Variants in FNBP4 observed in about 807,000 individuals in gnomAD.
FNBP4 encodes formin binding protein 4.
Under a neutral mutation model 119.3 loss-of-function variants are expected in FNBP4, and 34 were observed. The observed-to-expected ratio is 0.28, with a 90% CI of 0.22 to 0.38. FNBP4 has a LOEUF of 0.38. FNBP4 is among the 10% of genes least tolerant of loss of function. The pLI is 1.00. For synonymous variants in FNBP4, 462 were observed against 430.6 expected (o/e 1.07, Z -0.90); for missense variants, 1,112 against 1,228.9 (o/e 0.90, Z 1.42).
intron 2 of FNBP4, among the ~76,000 whole-genome samples, chr11:47,764,673 CAAG>C (rs2097643008): frequency 6.6e-6 from 1 of 152,074 alleles, no homozygotes; most frequent in Non-Finnish European, 1.5e-5. Flanking sequence ...TTTACTCTTC[CAAG>C]ATACACAGAG....
At chr11:47,733,334 GTTC>G (rs1471562612) in intron 10 of FNBP4, among the ~76,000 whole-genome samples, 3 of 151,676 alleles carry the variant, frequency 2.0e-5, no homozygotes, top group Non-Finnish European at 4.4e-5. Flanking sequence ...TAAGGATTCA[GTTC>G]TTTTTTTTTT....
At chr11:47,766,072 C>G (rs1388780460) in intron 1 of FNBP4, among the ~76,000 whole-genome samples, 1 of 151,982 alleles carries the variant, frequency 6.6e-6, no homozygotes, top group Non-Finnish European at 1.5e-5. Flanking sequence ...CATGGCCGGG[C>G]GCGATGGCTC....
intron 15 of FNBP4, 52 bp from the exon 16 acceptor site, chr11:47,720,138 A>G (rs1220501673): frequency 1.3e-6 from 2 of 1,539,774 alleles, no homozygotes; most frequent in South Asian, 2.4e-5. Context: ...AATAAGGATA[A>G]GCGTCCTCTA....
Position 47,724,014 on chromosome 11 carries a change from C to G in FNBP4, c.2464+14G>C, listed in dbSNP as rs755052992. On this transcript the variant is annotated intron_variant, in intron 14 of 16. Coordinates refer to ENST00000263773, the MANE Select transcript of FNBP4 (RefSeq NM_015308.5). ...CAATACATTGAGGAAAAACCACGCT[C>G]TATGCACAATTACCTGTAGCTATAG... 1.2e-6 allele frequency: 2 copies of G among 1,611,010 alleles called. No homozygotes were observed. The highest frequency in any genetic ancestry group is 2.2e-5 in the South Asian group (2 of 90,438).
chr11:47,752,065 A>T (rs757537407), intron 4 of FNBP4, among the ~76,000 whole-genome samples: 39 of 152,158 alleles, frequency 2.6e-4, no homozygotes, highest in African/African-American at 8.9e-4. Context: ...TTTAAAAGAT[A>T]AAAATTACAT....
chr11:47,724,281 G>A, intron 13 of FNBP4, 109 bp from the exon 14 acceptor site: 1 of 1,522,480 alleles, frequency 6.6e-7, no homozygotes, highest in East Asian at 2.3e-5. Flanking sequence ...AAGCTGCAGT[G>A]GTGAGATCAT....
At chr11:47,749,664 C>G (rs1370629381) in intron 6 of FNBP4, among the ~76,000 whole-genome samples, 2 of 152,148 alleles carry the variant, frequency 1.3e-5, no homozygotes, top group African/African-American at 4.8e-5. Flanking sequence ...ACTTACTTTT[C>G]TTACTAATTA....
chr11:47,750,205 C>T lies in FNBP4; in HGVS notation c.906+711G>A, dbSNP rs528083347. Among the ~76,000 whole-genome samples, 7 of 151,566 alleles carry T rather than the reference C, an allele frequency of 4.6e-5. No individual in the cohort carries two copies. The South Asian group carries it at 1.5e-3, about 32-fold the overall frequency. The stretch of plus-strand genomic sequence containing the variant: ...ACCAGCCTGACCAACATGGTGAAAC[C>T]CTGCCTCTAATAAAAATACAAAAAT... On this transcript the variant is annotated intron_variant, in intron 6 of 16. Coordinates refer to ENST00000263773, the MANE Select transcript of FNBP4 (RefSeq NM_015308.5).
intron 15 of FNBP4, among the ~76,000 whole-genome samples, chr11:47,721,476 G>A (rs2135065353): frequency 6.6e-6 from 1 of 151,898 alleles, no homozygotes; most frequent in Admixed American, 6.6e-5. Context: ...TGGTGCACAT[G>A]CCTGTCGCCC....
At chr11:47,746,545 C>T (rs1425295569) in intron 6 of FNBP4, 151 bp from the exon 7 acceptor site, 13 of 672,336 alleles carry the variant, frequency 1.9e-5, no homozygotes, top group Middle Eastern at 4.2e-4. Context: ...GATGGAGTCT[C>T]GCACTGTCAC....
chr11:47,751,091 G>C, intron 5 of FNBP4, 52 bp downstream of exon 5: 1 of 1,612,878 alleles, frequency 6.2e-7, no homozygotes, highest in South Asian at 1.1e-5. Context: ...ATCAGCAAAA[G>C]ATAAGGCTTC....
At chr11:47,743,828 C>A in intron 8 of FNBP4, 125 bp downstream of exon 8, 1 of 840,952 alleles carries the variant, frequency 1.2e-6, no homozygotes, top group Non-Finnish European at 1.8e-6. Context: ...GCTTCCTTCC[C>A]AGCACTTCTC....
Position 47,753,065 on chromosome 11 carries a change from G to C in FNBP4, c.488C>G (p.Pro163Arg), listed in dbSNP as rs999643445. 5.0e-6 allele frequency: 8 copies of C among 1,613,936 alleles called. No homozygotes were observed. Among genetic ancestry groups the C allele is most frequent in the Non-Finnish European group, 5.9e-6 (7 of 1,179,948 alleles). Reference sequence around the variant, plus strand: ...TGGAGGTGGAGCAGAAGCTCCTACAGGAGCTGCAGGCTGAGGAGCTGTTAT... The same window carrying C: ...TGGAGGTGGAGCAGAAGCTCCTACACGAGCTGCAGGCTGAGGAGCTGTTAT... Reference protein sequence around the residue: ...DAITAPQPAAPVGASAPPPTP... With the variant: ...DAITAPQPAARVGASAPPPTP... Residue 163 changes from proline (P) to arginine (R), a missense_variant, in exon 4 of 17, where the codon CCT (proline) becomes CGT (arginine). Pro to Arg is a moderately radical substitution (Grantham distance 103, BLOSUM62 -2). Coordinates refer to ENST00000263773, the MANE Select transcript of FNBP4 (RefSeq NM_015308.5).
chr11:47,765,374 A>AAAAAAGAAAAGAAGAAAAG lies in FNBP4; in HGVS notation c.221-13_221-12insCTTTTCTTCTTTTCTTTTT, dbSNP rs1554991224. ...CGCTTCCTGTTCATCTGGATTAAAA[A>AAAAAAGAAAAGAAGAAAAG]AAAAGAAAAGAAAAGAAAAGAAAAG... On this transcript the variant is annotated splice_polypyrimidine_tract_variant and intron_variant, in intron 1 of 16. Transcript: ENST00000263773. 9.8e-7 allele frequency: 1 copy of AAAAAAGAAAAGAAGAAAAG among 1,025,226 alleles called. No homozygotes were observed. Among genetic ancestry groups the AAAAAAGAAAAGAAGAAAAG allele is most frequent in the African/African-American group, 1.8e-5 (1 of 54,800 alleles). The allele number at this position is 1,025,226 out of a possible 1,614,324, so 63.5% of individuals were successfully genotyped here.
At chr11:47,762,707 G>C (rs1295255411) in intron 2 of FNBP4, among the ~76,000 whole-genome samples, 3 of 151,836 alleles carry the variant, frequency 2.0e-5, no homozygotes, top group Admixed American at 6.6e-5. Context: ...GAAGTCAGGA[G>C]TTCCAGACCA....
intron 2 of FNBP4, among the ~76,000 whole-genome samples, chr11:47,756,471 TA>T (rs944222267): frequency 6.6e-6 from 1 of 152,190 alleles, no homozygotes; most frequent in Non-Finnish European, 1.5e-5. Flanking sequence ...ATTAATCATG[TA>T]GGAGTTCATA....
chr11:47,759,368 C>T lies in FNBP4; in HGVS notation c.314-4704G>A, dbSNP rs558488153. 3.0e-4 allele frequency among the ~76,000 whole-genome samples: 45 copies of T among 151,560 alleles called. No individual in the cohort carries two copies. The South Asian group carries it at 6.3e-3, about 21-fold the overall frequency. On this transcript the variant is annotated intron_variant, in intron 2 of 16. Transcript: ENST00000263773. ...CTGGGATTATAGGCGTGCACCACCA[C>T]GCCTGGCTAATTTTTTTGTATTTTT... is the stretch of plus-strand genomic sequence containing the variant.
chr11:47,753,633 A>G (rs553465813), intron 3 of FNBP4, among the ~76,000 whole-genome samples: 1 of 151,996 alleles, frequency 6.6e-6, no homozygotes, highest in Admixed American at 6.6e-5. Flanking sequence ...AAACAAAAAA[A>G]AAAGAATACA....
intron 12 of FNBP4, chr11:47,725,938 A>G: frequency 4.4e-6 from 1 of 228,476 alleles, no homozygotes; most frequent in Non-Finnish European, 7.3e-6. Context: ...AACTTGCCCA[A>G]GATCATATCA....
Sources: allele counts gnomAD v4.1 joint callset (sites outside exome capture counted in the v4.1 genomes callset), GRCh38; gene constraint gnomAD v4.1.1; transcripts MANE v1.5; gene names NCBI Gene and HGNC (gene_info 2026-07-23, HGNC 2026-07-21).